The following RNLS variants were observed in gnomAD, a reference collection of about 807,000 sequenced individuals.
RNLS encodes the protein renalase, FAD dependent amine oxidase.
A neutral mutation model predicts 39.8 loss-of-function variants in RNLS; 39 were observed. The ratio of observed to expected loss-of-function variants is 0.98; its 90% CI spans 0.76 to 1.28. The LOEUF is 1.28. RNLS is among the 50% of genes most tolerant of loss of function. The pLI, the probability that RNLS is intolerant of heterozygous loss-of-function variation, is 0.00. For synonymous variants in RNLS, 147 were observed against 150.7 expected (o/e 0.98, Z 0.18); for missense variants, 410 against 413.3 (o/e 0.99, Z 0.07).
At chr10:88,334,102 A>G (rs745782619) in intron 5 of RNLS, among the ~76,000 whole-genome samples, 7 of 152,200 alleles carry the variant, frequency 4.6e-5, no homozygotes, top group Non-Finnish European at 8.8e-5. Flanking sequence ...ATAAATTCCT[A>G]GTAATAGAAC....
At chr10:88,362,002 T>C (rs1849679513) in intron 5 of RNLS, among the ~76,000 whole-genome samples, 1 of 151,738 alleles carries the variant, frequency 6.6e-6, no homozygotes, top group African/African-American at 2.4e-5. Flanking sequence ...TTCACCACAT[T>C]CTAGTGAAGC....
chr10:88,583,104 G>A lies in RNLS; in HGVS notation c.87C>T (p.Tyr29=), dbSNP rs752866930. Residue 29 remains tyrosine (Y), a synonymous_variant, in exon 1 of 7, where the codon TAC becomes TAT. Transcript: ENST00000331772. ...CCTCAGCCTTGTCCCACACAGCAAG[G>A]TACAAGGGACCGGACGTCTGCCTCC... The part of the protein sequence containing the change: ...LLRRQTSGPL[Y]LAVWDKAEDS... 6.2e-7 allele frequency: 1 copy of A among 1,614,104 alleles called. No homozygotes were observed. The highest frequency in any genetic ancestry group is 1.7e-5 in the Admixed American group (1 of 60,026).
At chr10:88,270,470 G>T (rs1842618432), downstream of RNLS, among the ~76,000 whole-genome samples, 1 of 152,132 alleles carries the variant, frequency 6.6e-6, no homozygotes, top group African/African-American at 2.4e-5. Flanking sequence ...TGCCTCAGGG[G>T]TTCCTAAACT....
chr10:88,558,153 T>C (rs1260872318), intron 4 of RNLS, among the ~76,000 whole-genome samples: 4 of 152,032 alleles, frequency 2.6e-5, no homozygotes, highest in South Asian at 2.1e-4. Context: ...CATGGAGAGA[T>C]TGCACACATT....
chr10:88,382,131 AT>A (rs1442626396), intron 4 of RNLS, among the ~76,000 whole-genome samples: 1 of 152,074 alleles, frequency 6.6e-6, no homozygotes, highest in Non-Finnish European at 1.5e-5. Context: ...CATAGTTATC[AT>A]TTGATTGTGT....
At position 88,538,527 on chromosome 10, in the gene RNLS, TGAAA is replaced by T. The variant is rs573375460; in HGVS notation, c.526+34372_526+34375del. On this transcript the variant is annotated intron_variant, in intron 4 of 6. Transcript: ENST00000331772. ...TCCAGAAAAGCGTAAAAGTAAAACTTGAAAGAAATAATAAAATACTCCTTAATTC... is the reference window on the plus strand; with the variant it reads ...TCCAGAAAAGCGTAAAAGTAAAACTTGAAATAATAAAATACTCCTTAATTC... Among the ~76,000 whole-genome samples, 332 of 152,282 alleles carry T rather than the reference TGAAA, an allele frequency of 2.2e-3. 4 individuals are homozygous for T. The highest frequency in any genetic ancestry group is 7.3e-3 in the African/African-American group (302 of 41,576).
chr10:88,568,461 T>C (rs1849642337), intron 4 of RNLS, among the ~76,000 whole-genome samples: 1 of 152,118 alleles, frequency 6.6e-6, no homozygotes, highest in Non-Finnish European at 1.5e-5. Flanking sequence ...ACATTTTAGA[T>C]AGGTGAATTG....
At chr10:88,365,013 T>C (rs915727207) in intron 4 of RNLS, among the ~76,000 whole-genome samples, 2 of 152,118 alleles carry the variant, frequency 1.3e-5, no homozygotes, top group African/African-American at 2.4e-5. Context: ...GACAACCAAA[T>C]TGGTCCTCTC....
intron 4 of RNLS, among the ~76,000 whole-genome samples, chr10:88,523,659 A>G (rs991317599): frequency 5.9e-5 from 9 of 152,144 alleles, no homozygotes; most frequent in Admixed American, 1.3e-4. Context: ...GAAATCCAGG[A>G]AAGAGTTATT....
chr10:88,221,487 T>C, the RNLS span, among the ~76,000 whole-genome samples: 673 of 152,316 alleles, frequency 4.4e-3, 5 homozygotes, highest in Non-Finnish European at 3.7e-3. Flanking sequence ...AATATTCCAA[T>C]GAATGGAGTT....
intron 4 of RNLS, among the ~76,000 whole-genome samples, chr10:88,485,727 A>G (rs1302010380): frequency 6.6e-6 from 1 of 151,274 alleles, no homozygotes; most frequent in Non-Finnish European, 1.5e-5. Context: ...TTTTTCTGGT[A>G]TGAGCTCATT....
intron 4 of RNLS, among the ~76,000 whole-genome samples, chr10:88,522,448 C>T (rs911233457): frequency 2.6e-5 from 4 of 151,970 alleles, no homozygotes; most frequent in African/African-American, 9.7e-5. Flanking sequence ...TTTAGCAGGC[C>T]TGGTATTGAG....
chr10:88,531,932 A>T (rs1451419929), intron 4 of RNLS, among the ~76,000 whole-genome samples: 2 of 152,042 alleles, frequency 1.3e-5, no homozygotes, highest in Non-Finnish European at 2.9e-5. Context: ...CCAAAAACAA[A>T]TATTGAGTAA....
chr10:88,309,242 A>C (rs1589515335), intron 6 of RNLS: 1 of 178,984 alleles, frequency 5.6e-6, no homozygotes, highest in East Asian at 1.9e-4. Context: ...ATTTACCCAT[A>C]CAACAAACCT....
At chr10:88,447,164 A>T (rs534074778) in intron 4 of RNLS, among the ~76,000 whole-genome samples, 1 of 152,312 alleles carries the variant, frequency 6.6e-6, no homozygotes, top group South Asian at 2.1e-4. Context: ...TCTGGCCAGG[A>T]AAATCAGGCA....
chr10:88,576,415 T>C (rs1564916384), intron 3 of RNLS, among the ~76,000 whole-genome samples: 1 of 152,236 alleles, frequency 6.6e-6, no homozygotes, highest in Non-Finnish European at 1.5e-5. Flanking sequence ...TTCAATTTTA[T>C]CCCTGGCCTT....
At chr10:88,582,069 A>T in intron 2 of RNLS, 133 bp downstream of exon 2, 1 of 682,988 alleles carries the variant, frequency 1.5e-6, no homozygotes, top group Non-Finnish European at 2.4e-6. Context: ...GCCTTCTTCC[A>T]TAACACCAAC....
At position 88,410,183 on chromosome 10, in the gene RNLS, A is replaced by G. The variant is rs546695427; in HGVS notation, c.527-47458T>C. Among the ~76,000 whole-genome samples, 3 of 152,254 alleles carry G rather than the reference A, an allele frequency of 2.0e-5. No individual in the cohort carries two copies. In the South Asian group the frequency reaches 6.2e-4, roughly 32 times the overall value. On this transcript the variant is annotated intron_variant, in intron 4 of 6. Transcript: ENST00000331772. ...GAAACGTTCTATGCCAAGTTTAACA[A>G]AGAATAAAAGTTCAAAGACCTTTTA...
At chr10:88,574,340 A>T (rs1850028164) in intron 3 of RNLS, among the ~76,000 whole-genome samples, 1 of 152,198 alleles carries the variant, frequency 6.6e-6, no homozygotes, top group Non-Finnish European at 1.5e-5. Flanking sequence ...GTTCATCTTT[A>T]CCTGGGAAAT....
Sources: allele counts gnomAD v4.1 joint callset (sites outside exome capture counted in the v4.1 genomes callset), GRCh38; gene constraint gnomAD v4.1.1; transcripts MANE v1.5; gene names NCBI Gene and HGNC (gene_info 2026-07-23, HGNC 2026-07-21).